Variants in ANGPT1 observed in about 807,000 individuals in gnomAD.
The protein encoded by ANGPT1 is angiopoietin-1.
A neutral mutation model predicts 62.2 loss-of-function variants in ANGPT1; 17 were observed. That is an observed-to-expected ratio of 0.27 (90% CI 0.19 to 0.41). ANGPT1 has a LOEUF of 0.41. Among genes scored for constraint, ANGPT1 ranks in the 10% least tolerant of loss-of-function variants. The probability of loss-of-function intolerance (pLI) is 1.00; values close to 1 mark genes in which losing one functional copy is unlikely to be tolerated. For synonymous variants in ANGPT1, 199 were observed against 198.9 expected (o/e 1.00, Z 0.00); for missense variants, 478 against 594.9 (o/e 0.80, Z 2.04).
intron 5 of ANGPT1, among the ~76,000 whole-genome samples, chr8:107,300,008 G>T (rs542090594): frequency 1.5e-5 from 2 of 135,608 alleles, no homozygotes; most frequent in Non-Finnish European, 3.2e-5. Context: ...TATATATCTA[G>T]ATATCTAGAT....
chr8:107,491,394 A>G (rs1339977025), intron 1 of ANGPT1, among the ~76,000 whole-genome samples: 1 of 152,190 alleles, frequency 6.6e-6, no homozygotes, highest in Non-Finnish European at 1.5e-5. Flanking sequence ...CTGACAGACA[A>G]TAAGTAACAC....
intron 1 of ANGPT1, among the ~76,000 whole-genome samples, chr8:107,493,730 T>C (rs1813024913): frequency 6.7e-6 from 1 of 150,350 alleles, no homozygotes; most frequent in Non-Finnish European, 1.5e-5. Context: ...TTCTGGGAAC[T>C]GAGGTTATGA....
intron 1 of ANGPT1, among the ~76,000 whole-genome samples, chr8:107,365,956 G>A (rs971629862): frequency 1.3e-5 from 2 of 151,502 alleles, no homozygotes; most frequent in South Asian, 2.1e-4. Flanking sequence ...CAATTACACA[G>A]TAAACACTAG....
At chr8:107,401,495 G>C (rs1186052125) in intron 1 of ANGPT1, among the ~76,000 whole-genome samples, 1 of 152,142 alleles carries the variant, frequency 6.6e-6, no homozygotes, top group Non-Finnish European at 1.5e-5. Flanking sequence ...TTATGCTGTT[G>C]AGTAGATCAG....
intron 1 of ANGPT1, among the ~76,000 whole-genome samples, chr8:107,363,368 C>T (rs1417800111): frequency 6.6e-6 from 1 of 152,154 alleles, no homozygotes; most frequent in Non-Finnish European, 1.5e-5. Context: ...GGTGTAACTG[C>T]ATATACAGTT....
At chr8:107,313,429 G>GTTTTTTTTTTTTTTTT (rs71308720) in intron 4 of ANGPT1, among the ~76,000 whole-genome samples, 1 of 64,182 alleles carries the variant, frequency 1.6e-5, no homozygotes, top group Non-Finnish European at 2.7e-5. Flanking sequence ...GTTACTAGTT[G>GTTTTTTTTTTTTTTTT]TTTTTTTTTT....
chr8:107,375,250 C>T (rs2130256120), intron 1 of ANGPT1, among the ~76,000 whole-genome samples: 1 of 152,066 alleles, frequency 6.6e-6, no homozygotes, highest in East Asian at 1.9e-4. Context: ...ACAGAAATTG[C>T]CAGTTATAGA....
intron 1 of ANGPT1, among the ~76,000 whole-genome samples, chr8:107,445,636 G>T (rs1482021118): frequency 6.6e-6 from 1 of 151,920 alleles, no homozygotes. Context: ...AACTTTTATC[G>T]GGCATCTAGC....
At chr8:107,454,794 A>T (rs1426152692) in intron 1 of ANGPT1, among the ~76,000 whole-genome samples, 1 of 152,084 alleles carries the variant, frequency 6.6e-6, no homozygotes, top group Non-Finnish European at 1.5e-5. Flanking sequence ...TTAAATACAT[A>T]CACATATACA....
chr8:107,378,646 G>C (rs757917172), intron 1 of ANGPT1, among the ~76,000 whole-genome samples: 22 of 151,946 alleles, frequency 1.4e-4, no homozygotes, highest in Non-Finnish European at 2.8e-4. Flanking sequence ...TTGGATCATG[G>C]GGTGGTTTCC....
At chr8:107,411,867 G>C (rs1256520495) in intron 1 of ANGPT1, among the ~76,000 whole-genome samples, 1 of 151,962 alleles carries the variant, frequency 6.6e-6, no homozygotes, top group Admixed American at 6.6e-5. Context: ...GCAGTGTTGA[G>C]CTTTATCCTA....
At chr8:107,455,047 C>T (rs974532389) in intron 1 of ANGPT1, among the ~76,000 whole-genome samples, 2 of 152,002 alleles carry the variant, frequency 1.3e-5, no homozygotes, top group African/African-American at 4.8e-5. Context: ...CCTTCAGAAG[C>T]CTTTTACTCA....
At chr8:107,272,536 T>C (rs941406476) in intron 7 of ANGPT1, among the ~76,000 whole-genome samples, 2 of 151,968 alleles carry the variant, frequency 1.3e-5, no homozygotes, top group African/African-American at 4.8e-5. Context: ...TTAGGAACAG[T>C]GTTAGCAGTA....
At chr8:107,370,340 A>AAGAAAGAAAGAAAGAAAGAAAGAAAAAAG (rs781530526) in intron 1 of ANGPT1, among the ~76,000 whole-genome samples, 1 of 54,402 alleles carries the variant, frequency 1.8e-5, no homozygotes, top group South Asian at 7.7e-4. Flanking sequence ...GAAAGAAAGA[A>AAGAAAGAAAGAAAGAAAGAAAGAAAAAAG]AAAGAAAGAA....
At chr8:107,302,003 T>C (rs1368809476) in intron 5 of ANGPT1, among the ~76,000 whole-genome samples, 1 of 151,966 alleles carries the variant, frequency 6.6e-6, no homozygotes, top group Non-Finnish European at 1.5e-5. Flanking sequence ...TCAGGAAGAC[T>C]AAGTAAGTTA....
chr8:107,295,782 A>G (rs1814398974), intron 5 of ANGPT1, among the ~76,000 whole-genome samples: 1 of 152,160 alleles, frequency 6.6e-6, no homozygotes, highest in Admixed American at 6.6e-5. Context: ...GATGATCTAG[A>G]CCAAGGATAA....
intron 1 of ANGPT1, among the ~76,000 whole-genome samples, chr8:107,395,123 T>G (rs760684957): frequency 6.6e-6 from 1 of 152,176 alleles, no homozygotes; most frequent in African/African-American, 2.4e-5. Flanking sequence ...ATGTCCAATG[T>G]GAATCTAGAG....
At chr8:107,478,310 A>G (rs1425102335) in intron 1 of ANGPT1, among the ~76,000 whole-genome samples, 3 of 150,666 alleles carry the variant, frequency 2.0e-5, no homozygotes, top group Admixed American at 6.6e-5. Flanking sequence ...GCACTTTGGG[A>G]GGCTGAAGTG....
At chr8:107,254,525 G>C (rs1290783433) in intron 8 of ANGPT1, among the ~76,000 whole-genome samples, 1 of 152,018 alleles carries the variant, frequency 6.6e-6, no homozygotes, top group Non-Finnish European at 1.5e-5. Context: ...AAGAAAATAC[G>C]TAGGAGCTCT....
Sources: gnomAD v4.1 joint callset for allele counts (sites outside exome capture counted in the v4.1 genomes callset) on GRCh38, gnomAD v4.1.1 for gene constraint, MANE v1.5 for transcripts, NCBI Gene and HGNC (gene_info 2026-07-23, HGNC 2026-07-21) for gene names.